The following EBF3 variants were observed in gnomAD, a reference collection of about 807,000 sequenced individuals.
EBF3 encodes transcription factor COE3.
EBF3 carries 18 observed loss-of-function variants against 77.1 expected under a neutral mutation model. The ratio of observed to expected loss-of-function variants is 0.23; its 90% CI spans 0.16 to 0.35. EBF3 has a LOEUF of 0.35. Among genes scored for constraint, EBF3 ranks in the 10% least tolerant of loss-of-function variants. The probability of loss-of-function intolerance (pLI) is 1.00; values close to 1 mark genes in which losing one functional copy is unlikely to be tolerated. For missense variants in EBF3, 558 were observed against 860.0 expected, an observed-to-expected ratio of 0.65 and a Z score of 4.39; for synonymous variants, 350 against 343.5, an observed-to-expected ratio of 1.02 and a Z score of -0.21.
intron 6 of EBF3, among the ~76,000 whole-genome samples, chr10:129,889,610 C>T (rs1319661849): frequency 6.6e-6 from 1 of 152,202 alleles, no homozygotes; most frequent in Non-Finnish European, 1.5e-5. Flanking sequence ...TCCCTTGACT[C>T]ATTTGATAAG....
At chr10:129,859,183 G>A (rs1165142624) in intron 10 of EBF3, among the ~76,000 whole-genome samples, 1 of 152,142 alleles carries the variant, frequency 6.6e-6, no homozygotes, top group Non-Finnish European at 1.5e-5. Flanking sequence ...TTATTTCAAA[G>A]CCACTCTAAA....
chr10:129,911,406 G>A lies in EBF3; in HGVS notation c.555-33557C>T, dbSNP rs191153396. Among the ~76,000 whole-genome samples the A allele has an allele frequency of 6.6e-5, 10 of 152,290 alleles. No individual in the cohort carries two copies. In the East Asian group the frequency reaches 1.9e-3, roughly 29 times the overall value. On this transcript the variant is annotated intron_variant, in intron 6 of 16. Coordinates refer to ENST00000440978, the MANE Select transcript of EBF3 (RefSeq NM_001375380.1). Reference sequence around the variant, plus strand: ...GCCCTTTCTCTCTAGACCCTGTCCTGGCTCCTCTCTCACTCCTGCTCCACC... The same window carrying A: ...GCCCTTTCTCTCTAGACCCTGTCCTAGCTCCTCTCTCACTCCTGCTCCACC...
chr10:129,911,413 C>T (rs140039964), intron 6 of EBF3, among the ~76,000 whole-genome samples: 1 of 152,370 alleles, frequency 6.6e-6, no homozygotes, highest in Non-Finnish European at 1.5e-5. Context: ...CCTGGCTCCT[C>T]TCTCACTCCT....
chr10:129,852,103 T>C (rs1850922326), intron 10 of EBF3, among the ~76,000 whole-genome samples: 1 of 152,172 alleles, frequency 6.6e-6, no homozygotes, highest in Non-Finnish European at 1.5e-5. Context: ...CCGGCTATCA[T>C]ATGCAGGCCA....
At chr10:129,915,636 G>A (rs548928455) in intron 6 of EBF3, among the ~76,000 whole-genome samples, 2 of 152,336 alleles carry the variant, frequency 1.3e-5, no homozygotes, top group East Asian at 1.9e-4. Flanking sequence ...CGCCGAGAGT[G>A]CGGGAAAGCT....
rs11016999 is a variant in EBF3 at position 129,879,167 on chromosome 10, T to C, written c.555-1318A>G. 0.23 allele frequency among the ~76,000 whole-genome samples: 35,296 copies of C among 151,846 alleles called. 4,713 individuals carry two copies. The highest frequency in any genetic ancestry group is 0.37 in the African/African-American group (15,403 of 41,336). ...AACCTGGGAAGCCAGGCTCTACCAC[T>C]ACCCACAGGAAAAGTGGGTGGGGGG... On this transcript the variant is annotated intron_variant, in intron 6 of 16. Coordinates refer to ENST00000440978, the MANE Select transcript of EBF3 (RefSeq NM_001375380.1). This position sits in a 1 kb window ranked among gnomAD's most constrained non-coding sequence, Gnocchi z 4.7.
intron 8 of EBF3, among the ~76,000 whole-genome samples, chr10:129,868,887 C>T (rs753253835): frequency 1.3e-5 from 2 of 152,208 alleles, no homozygotes; most frequent in Non-Finnish European, 2.9e-5. Context: ...CATGCCTGCC[C>T]ACGCCTGCCA....
intron 6 of EBF3, among the ~76,000 whole-genome samples, chr10:129,937,167 T>C (rs1279585473): frequency 6.6e-6 from 1 of 152,078 alleles, no homozygotes; most frequent in Non-Finnish European, 1.5e-5. Flanking sequence ...TCCCTGAGTC[T>C]ACAACTGGGA....
chr10:129,913,036 C>T (rs1855629704), intron 6 of EBF3, among the ~76,000 whole-genome samples: 1 of 152,216 alleles, frequency 6.6e-6, no homozygotes, highest in Non-Finnish European at 1.5e-5. Context: ...GAGCAAAAAA[C>T]CGAAATGTTG....
At chr10:129,923,014 TTCTC>T in intron 6 of EBF3, among the ~76,000 whole-genome samples, 1 of 152,326 alleles carries the variant, frequency 6.6e-6, no homozygotes, top group Non-Finnish European at 1.5e-5. Context: ...GGGTCTCGGC[TTCTC>T]TCTCTATAGA....
chr10:129,843,199 C>T lies in EBF3; in HGVS notation c.1132G>A (p.Val378Met), dbSNP rs1245458167. 1.9e-6 allele frequency: 3 copies of T among 1,611,676 alleles called. No individual in the cohort carries two copies. The South Asian group carries it at 3.3e-5, about 18-fold the overall frequency. ...PGDPERLPKE[V>M]LLKRAADLVE... ...AGGTCCGCCGCCCGCTTCAGTAACACCTCCTAAAGGAAGAGCAGACAGGAG... is the reference window on the plus strand; with the variant it reads ...AGGTCCGCCGCCCGCTTCAGTAACATCTCCTAAAGGAAGAGCAGACAGGAG... Residue 378 changes from valine (V) to methionine (M), a missense_variant, in exon 12 of 17, where the codon GTG becomes ATG. By Grantham distance (21) the Val-to-Met change is conservative. Around this residue, in one of 5 missense-constraint regions of EBF3, gnomAD observed 284 missense variants for 368.3 expected, o/e 0.77. Coordinates refer to ENST00000440978, the MANE Select transcript of EBF3 (RefSeq NM_001375380.1).
At chr10:129,852,422 T>TA (rs1189141761) in intron 10 of EBF3, among the ~76,000 whole-genome samples, 1 of 152,212 alleles carries the variant, frequency 6.6e-6, no homozygotes, top group African/African-American at 2.4e-5. Context: ...GGCGCTGAGC[T>TA]GCAGCTGGGG....
intron 10 of EBF3, among the ~76,000 whole-genome samples, chr10:129,856,896 A>G (rs1228626228): frequency 6.6e-6 from 1 of 152,232 alleles, no homozygotes; most frequent in Non-Finnish European, 1.5e-5. Flanking sequence ...GAATTAGAAT[A>G]TATGTGCCAG....
In EBF3 at chr10:129,842,310, TG is replaced by T; in HGVS notation, c.1195-18del. 6.4e-7 allele frequency: 1 copy of T among 1,563,702 alleles called. No homozygotes were observed. The highest frequency in any genetic ancestry group is 1.2e-5 in the South Asian group (1 of 82,658). The stretch of plus-strand genomic sequence containing the variant: ...GATGATCTCCTGCAGCAGGAGCAAG[TG>T]GGAGCCGGCCTGTCACCCCAGGCCC... On this transcript the variant is annotated intron_variant, in intron 12 of 16. Transcript: ENST00000440978. The surrounding 1 kb of genome is among the most constrained non-coding windows in gnomAD (Gnocchi z 4.4).
intron 5 of EBF3, 84 bp from the exon 6 acceptor site, chr10:129,957,410 T>C: frequency 2.8e-6 from 3 of 1,075,796 alleles, no homozygotes; most frequent in Non-Finnish European, 4.0e-6. Context: ...TTCTGACGTC[T>C]GACAATGAAG....
intron 10 of EBF3, among the ~76,000 whole-genome samples, chr10:129,865,408 T>A (rs925890139): frequency 1.4e-4 from 21 of 152,196 alleles, no homozygotes; most frequent in Admixed American, 1.3e-4. Flanking sequence ...CCTCTCTCCA[T>A]CTCAGAGTCT....
At chr10:129,916,466 C>T (rs918048444) in intron 6 of EBF3, among the ~76,000 whole-genome samples, 28 of 152,358 alleles carry the variant, frequency 1.8e-4, no homozygotes, top group African/African-American at 5.8e-4. Flanking sequence ...GTGCAGAAAA[C>T]GACACCAAGA....
chr10:129,887,067 G>GA (rs71007569), intron 6 of EBF3, among the ~76,000 whole-genome samples: 5 of 92,402 alleles, frequency 5.4e-5, no homozygotes, highest in Admixed American at 2.1e-4. Flanking sequence ...GGGGGGGGGG[G>GA]AGGTGAATAG....
At chr10:129,929,549 C>T (rs4751149) in intron 6 of EBF3, among the ~76,000 whole-genome samples, 123,826 of 152,172 alleles carry the variant, frequency 0.81, 50,912 homozygotes, top group East Asian at 0.96. Flanking sequence ...GCCTTGTTGA[C>T]ACACTGCTGA....
Sources: gnomAD v4.1 joint callset for allele counts (sites outside exome capture counted in the v4.1 genomes callset) on GRCh38, gnomAD v4.1.1 for gene constraint, gnomAD v4.1.1 regional missense constraint, Gnocchi (gnomAD v3.1) non-coding constraint, MANE v1.5 for transcripts, NCBI Gene and HGNC (gene_info 2026-07-23, HGNC 2026-07-21) for gene names.